Variants in MAP7D2 observed in about 807,000 individuals in gnomAD.
MAP7D2 encodes the protein MAP7 domain-containing protein 2.
Under a neutral mutation model 63.5 loss-of-function variants are expected in MAP7D2, and 33 were observed. That is an observed-to-expected ratio of 0.52 (90% CI 0.39 to 0.70). The LOEUF (loss-of-function observed/expected upper bound fraction) is 0.70, where lower values mean the gene tolerates loss of function less well. MAP7D2 is among the 30% of genes least tolerant of loss of function. The pLI is 0.00. For synonymous variants in MAP7D2, 224 were observed against 223.7 expected, an observed-to-expected ratio of 1.00 and a Z score of -0.01; for missense variants, 626 against 604.0, an observed-to-expected ratio of 1.04 and a Z score of -0.38.
intron 1 of MAP7D2, among the ~76,000 whole-genome samples, chrX:20,103,426 C>T (rs920478317): frequency 2.7e-5 from 3 of 111,160 alleles, no homozygotes; most frequent in African/African-American, 6.6e-5. Flanking sequence ...GTCCTACAGA[C>T]CTGATACAGT....
chrX:20,111,255 A>G (rs1398019753), intron 1 of MAP7D2, among the ~76,000 whole-genome samples: 3 of 111,668 alleles, frequency 2.7e-5, no homozygotes, highest in African/African-American at 9.8e-5. Flanking sequence ...GGGTTGGCAC[A>G]TAAGTGCTCA....
At chrX:20,037,887 C>T (rs770420900) in intron 8 of MAP7D2, among the ~76,000 whole-genome samples, 8 of 111,745 alleles carry the variant, frequency 7.2e-5, no homozygotes, top group Non-Finnish European at 1.1e-4. Context: ...TAGGATGACT[C>T]GTTCTGTGGA....
intron 1 of MAP7D2, among the ~76,000 whole-genome samples, chrX:20,104,834 CAATT>C (rs780614211): frequency 1.8e-5 from 2 of 111,663 alleles, no homozygotes; most frequent in Non-Finnish European, 1.9e-5. Context: ...TAAACAAATA[CAATT>C]AATAGGGTAG....
chrX:20,060,062 T>C (rs1489522749), intron 3 of MAP7D2, among the ~76,000 whole-genome samples: 2 of 108,882 alleles, frequency 1.8e-5, no homozygotes, highest in Non-Finnish European at 3.8e-5. Flanking sequence ...CTTTGTCACC[T>C]AGGCTGGAGT....
chrX:20,092,407 A>G (rs930634860), intron 1 of MAP7D2, among the ~76,000 whole-genome samples: 5 of 111,480 alleles, frequency 4.5e-5, no homozygotes, highest in African/African-American at 6.5e-5. Flanking sequence ...TTATGTGCCT[A>G]AAGTCCAGAC....
chrX:20,106,557 T>G (rs901861770), intron 1 of MAP7D2, among the ~76,000 whole-genome samples: 1 of 111,509 alleles, frequency 9.0e-6, no homozygotes, highest in African/African-American at 3.3e-5. Context: ...ACCACAAAAC[T>G]CCCTGCGTGA....
At position 20,102,907 on chromosome X, in the gene MAP7D2, C is replaced by T. The variant is rs189448050; in HGVS notation, c.130+13843G>A. Among the ~76,000 whole-genome samples, 16 of 111,283 alleles carry T rather than the reference C, an allele frequency of 1.4e-4. No individual in the cohort carries two copies. In the East Asian group the frequency reaches 2.8e-3, roughly 20 times the overall value. ...ACAGCATCACAGAGTTGGAACGCAC[C>T]AGTAAGATCACCTTGTGTACAATCT... On this transcript the variant is annotated intron_variant, in intron 1 of 16. Transcript: ENST00000379643.
At chrX:20,055,816 G>A in intron 4 of MAP7D2, 7 of 983,916 alleles carry the variant, frequency 7.1e-6, no homozygotes, top group Non-Finnish European at 9.2e-6. Context: ...GAGGGGGTGG[G>A]GTATTTTCTG....
At chrX:20,084,053 T>C (rs973126410) in intron 1 of MAP7D2, among the ~76,000 whole-genome samples, 1 of 110,388 alleles carries the variant, frequency 9.1e-6, no homozygotes, top group Non-Finnish European at 1.9e-5. Flanking sequence ...ATACAAAAAT[T>C]AGCCAGGTGT....
At chrX:20,093,225 G>A (rs1265791233) in intron 1 of MAP7D2, among the ~76,000 whole-genome samples, 3 of 111,966 alleles carry the variant, frequency 2.7e-5, no homozygotes, top group Non-Finnish European at 3.8e-5. Context: ...CAATTCATCC[G>A]GTTTGGGAGC....
At chrX:20,015,121 C>A in intron 12 of MAP7D2, 102 bp downstream of exon 12, 1 of 595,343 alleles carries the variant, frequency 1.7e-6, no homozygotes, top group Non-Finnish European at 2.7e-6. Context: ...TGAACTTGAC[C>A]TAACTGACAA....
At chrX:20,082,397 T>C (rs2065798670) in intron 1 of MAP7D2, among the ~76,000 whole-genome samples, 1 of 111,394 alleles carries the variant, frequency 9.0e-6, no homozygotes. Flanking sequence ...GTAAAACTCT[T>C]GGTATTACAA....
intron 4 of MAP7D2, among the ~76,000 whole-genome samples, chrX:20,054,528 T>G (rs2065024592): frequency 9.0e-6 from 1 of 111,501 alleles, no homozygotes; most frequent in Admixed American, 9.5e-5. Context: ...CATTTCACCC[T>G]GGCCCGGGCC....
intron 8 of MAP7D2, among the ~76,000 whole-genome samples, chrX:20,039,249 G>A (rs757214111): frequency 1.7e-4 from 19 of 112,511 alleles, no homozygotes; most frequent in African/African-American, 4.8e-4. Flanking sequence ...CAATGCTTCT[G>A]CCAAGACTAC....
intron 1 of MAP7D2, among the ~76,000 whole-genome samples, chrX:20,113,237 C>G (rs1282667077): frequency 1.8e-5 from 2 of 111,657 alleles, no homozygotes; most frequent in African/African-American, 6.5e-5. Flanking sequence ...TTCTCTTGTT[C>G]TTCTTGATCT....
At position 20,016,285 on chromosome X, in the gene MAP7D2, T is replaced by G; in HGVS notation, c.1453A>C (p.Arg485=). 1 of 1,211,288 alleles carries G rather than the reference T, an allele frequency of 8.3e-7. No individual in the cohort carries two copies. Among genetic ancestry groups the G allele is most frequent in the Non-Finnish European group, 1.1e-6 (1 of 895,258 alleles). ...EELKRKAEEE[R]LRLEEEARKQ... The stretch of plus-strand genomic sequence containing the variant: ...CGGGCTTCCTCTTCTAGGCGAAGCC[T>G]TTCCTCCTCTGCCTTTCTTTTCAAT... The change falls in exon 11 of 17, where the codon AGG becomes CGG. Residue 485 remains arginine (R), a synonymous_variant. Transcript: ENST00000379643.
intron 10 of MAP7D2, among the ~76,000 whole-genome samples, chrX:20,017,965 CT>C (rs141142969): frequency 0.035 from 3,006 of 85,617 alleles, 89 homozygotes; most frequent in African/African-American, 0.1. Context: ...AATCCATTCT[CT>C]TTTTTTTTTT....
intron 1 of MAP7D2, among the ~76,000 whole-genome samples, chrX:20,103,860 G>T (rs2066499301): frequency 9.0e-6 from 1 of 111,038 alleles, no homozygotes; most frequent in Admixed American, 9.6e-5. Context: ...AGAGCCATTT[G>T]CTCTGATATA....
chrX:20,070,255 T>C (rs1013544710), intron 1 of MAP7D2, among the ~76,000 whole-genome samples: 2 of 104,352 alleles, frequency 1.9e-5, no homozygotes, highest in Admixed American at 2.0e-4. Flanking sequence ...CCTCGGCAAT[T>C]TTTTTCTTAT....
Sources: gnomAD v4.1 joint callset for allele counts (sites outside exome capture counted in the v4.1 genomes callset) on GRCh38, gnomAD v4.1.1 for gene constraint, MANE v1.5 for transcripts, NCBI Gene and HGNC (gene_info 2026-07-23, HGNC 2026-07-21) for gene names.